PAFAH2: variants seen among roughly 807,000 people sequenced by gnomAD.
PAFAH2 encodes platelet activating factor acetylhydrolase 2.
PAFAH2 carries 42 observed loss-of-function variants against 49.0 expected under a neutral mutation model. That is an observed-to-expected ratio of 0.86 (90% CI 0.67 to 1.11). The LOEUF is 1.11. PAFAH2 is among the 50% of genes least tolerant of loss of function. PAFAH2 has a pLI of 0.00. For synonymous variants in PAFAH2, 184 were observed against 181.3 expected, an observed-to-expected ratio of 1.01 and a Z score of -0.12; for missense variants, 503 against 501.8, an observed-to-expected ratio of 1.00 and a Z score of -0.02.
intron 2 of PAFAH2, 112 bp from the exon 3 acceptor site, chr1:25,989,713 G>A (rs1205383430): frequency 2.5e-6 from 2 of 816,076 alleles, no homozygotes; most frequent in Non-Finnish European, 3.4e-6. Context: ...CCAAAACAGG[G>A]AAACTGAAGT....
At chr1:25,983,292 G>A (rs1398761016) in intron 6 of PAFAH2, among the ~76,000 whole-genome samples, 1 of 152,114 alleles carries the variant, frequency 6.6e-6, no homozygotes, top group Non-Finnish European at 1.5e-5. Flanking sequence ...GCTGAGGTAG[G>A]AGGGTCACTC....
chr1:25,989,922 C>T (rs1047359887), intron 2 of PAFAH2, among the ~76,000 whole-genome samples: 1 of 152,066 alleles, frequency 6.6e-6, no homozygotes, highest in African/African-American at 2.4e-5. Context: ...CTAGAGGAGC[C>T]CCAGGAGTTA....
intron 4 of PAFAH2, among the ~76,000 whole-genome samples, chr1:25,987,293 A>AAAATG (rs1190229585): frequency 7.2e-6 from 1 of 139,674 alleles, no homozygotes; most frequent in Non-Finnish European, 1.6e-5. Flanking sequence ...AAAATAAAAT[A>AAAATG]AAAAGATCTC....
intron 10 of PAFAH2, among the ~76,000 whole-genome samples, chr1:25,970,105 G>C (rs1391024669): frequency 6.6e-6 from 1 of 152,282 alleles, no homozygotes; most frequent in Admixed American, 6.5e-5. Context: ...CTCAATCCAG[G>C]CTGTTTGTTG....
Position 25,962,011 on chromosome 1 carries a change from G to A in PAFAH2, c.1157C>T (p.Pro386Leu), listed in dbSNP as rs1352236143. 6.2e-7 allele frequency: 1 copy of A among 1,613,910 alleles called. No individual in the cohort carries two copies. Among genetic ancestry groups the A allele is most frequent in the Non-Finnish European group, 8.5e-7 (1 of 1,179,922 alleles). ...GIGPSLTPGA[P>L]HHLSSL ...TGCCTACAGGCTGGACAGATGGTGGGGGGCCCCTGGGGTGAGCGACGGTCC... is the reference window on the plus strand; with the variant it reads ...TGCCTACAGGCTGGACAGATGGTGGAGGGCCCCTGGGGTGAGCGACGGTCC... The change falls in exon 11 of 11, where the codon CCC becomes CTC. Residue 386 changes from proline to leucine, a missense_variant. Coordinates refer to ENST00000374282, the MANE Select transcript of PAFAH2 (RefSeq NM_000437.4).
At position 25,961,327 on chromosome 1, in the gene PAFAH2, C is replaced by T. The variant is rs1277998171; in HGVS notation, c.*662G>A. On this transcript the variant is annotated 3_prime_UTR_variant, in exon 11 of 11. Coordinates refer to ENST00000374282, the MANE Select transcript of PAFAH2 (RefSeq NM_000437.4). ...AGAGCTTCTGAGGTACCTCTGTGTA[C>T]CTCAGTTTTTCTCCCTGTGCTGTGA... The T allele has an allele frequency of 6.6e-6, 1 of 152,184 alleles. No individual in the cohort carries two copies. The highest frequency in any genetic ancestry group is 2.4e-5 in the African/African-American group (1 of 41,438). The allele number at this position is 152,184 out of a possible 1,614,324, so 9.4% of individuals were successfully genotyped here.
At chr1:25,974,770 G>T (rs957802785) in intron 8 of PAFAH2, 120 bp from the exon 9 acceptor site, 20 of 813,048 alleles carry the variant, frequency 2.5e-5, no homozygotes, top group African/African-American at 1.4e-4. Flanking sequence ...AAGCCAGGAG[G>T]GGGGTACCAG....
rs377670669 is a variant in PAFAH2 at position 25,976,794 on chromosome 1, A to G, written c.667-21T>C. ...TTGCCCTGAGGAAAGTGGAGAACTT[A>G]GCCAAGTCAGAAACTCAGGACTGCT... On this transcript the variant is annotated intron_variant, in intron 7 of 10. Coordinates refer to ENST00000374282, the MANE Select transcript of PAFAH2 (RefSeq NM_000437.4). 13 of 1,596,104 alleles carry G rather than the reference A, an allele frequency of 8.1e-6. No homozygotes were observed. The African/African-American group carries it at 1.3e-4, about 16-fold the overall frequency.
chr1:25,990,324 A>T (rs147936259), intron 2 of PAFAH2, among the ~76,000 whole-genome samples: 1 of 152,214 alleles, frequency 6.6e-6, no homozygotes, highest in African/African-American at 2.4e-5. Flanking sequence ...AGAGAAAAGG[A>T]AGCTGTCCCC....
intron 9 of PAFAH2, among the ~76,000 whole-genome samples, chr1:25,973,797 T>C (rs953997184): frequency 1.3e-5 from 2 of 152,204 alleles, no homozygotes; most frequent in African/African-American, 4.8e-5. Context: ...AGGAACCAGA[T>C]GGATCCCTGG....
chr1:25,974,886 T>G (rs1159224911), intron 8 of PAFAH2, among the ~76,000 whole-genome samples: 4 of 152,184 alleles, frequency 2.6e-5, no homozygotes, highest in Admixed American at 2.6e-4. Context: ...GATATCCCTC[T>G]TCTCCTGGAT....
intron 7 of PAFAH2, 89 bp from the exon 8 acceptor site, chr1:25,976,862 C>A: frequency 1.0e-6 from 1 of 978,122 alleles, no homozygotes; most frequent in South Asian, 1.4e-5. Context: ...AATAGTGAGG[C>A]AATGAGGCCA....
chr1:25,973,361 G>A (rs1472107487), intron 9 of PAFAH2, among the ~76,000 whole-genome samples: 1 of 152,134 alleles, frequency 6.6e-6, no homozygotes, highest in Non-Finnish European at 1.5e-5. Context: ...GAGAGAAAGA[G>A]AATCTAAATG....
At chr1:25,976,627 TA>T in intron 8 of PAFAH2, 54 bp downstream of exon 8, 3 of 1,277,322 alleles carry the variant, frequency 2.3e-6, no homozygotes, top group Non-Finnish European at 3.4e-6. Context: ...AAATACTTTC[TA>T]AATGAATAAA....
chr1:25,969,831 T>C (rs1572342882), intron 10 of PAFAH2, among the ~76,000 whole-genome samples: 1 of 152,150 alleles, frequency 6.6e-6, no homozygotes, highest in East Asian at 1.9e-4. Context: ...TATAATGACA[T>C]GGTGCCTATG....
intron 7 of PAFAH2, among the ~76,000 whole-genome samples, chr1:25,979,743 G>A (rs537141169): frequency 6.6e-6 from 1 of 152,290 alleles, no homozygotes; most frequent in African/African-American, 2.4e-5. Context: ...GCCCGCCTCA[G>A]CCTCCCAAAG....
chr1:25,994,139 T>C (rs748494114), intron 1 of PAFAH2, among the ~76,000 whole-genome samples: 5 of 131,722 alleles, frequency 3.8e-5, no homozygotes, highest in Non-Finnish European at 8.0e-5. Context: ...ATTTGGTGCC[T>C]AGCTTTTTTT....
At position 25,961,712 on chromosome 1, in the gene PAFAH2, C is replaced by T. The variant is rs920118974; in HGVS notation, c.*277G>A. 2 of 317,802 alleles carry T rather than the reference C, an allele frequency of 6.3e-6. No homozygotes were observed. Among genetic ancestry groups the T allele is most frequent in the Non-Finnish European group, 1.2e-5 (2 of 173,138 alleles). The allele number at this position is 317,802 out of a possible 1,614,324, so 19.7% of individuals were successfully genotyped here. On this transcript the variant is annotated 3_prime_UTR_variant, in exon 11 of 11. Transcript: ENST00000374282. ...GGCCTCACAGTGCTCAGCCCGGGGC[C>T]TGGGTCTCCCCCAGTCCCACTCTAC...
At chr1:25,988,111 G>C in intron 4 of PAFAH2, 120 bp downstream of exon 4, 1 of 661,894 alleles carries the variant, frequency 1.5e-6, no homozygotes. Flanking sequence ...CGAAGCAGAT[G>C]GGAGATAAGA....
Sources: allele counts gnomAD v4.1 joint callset (sites outside exome capture counted in the v4.1 genomes callset), GRCh38; gene constraint gnomAD v4.1.1; transcripts MANE v1.5; gene names NCBI Gene and HGNC (gene_info 2026-07-23, HGNC 2026-07-21).